Variants in UNC13C observed in about 807,000 individuals in gnomAD.
UNC13C encodes unc-13 homolog C.
Under a neutral mutation model 245.4 loss-of-function variants are expected in UNC13C, and 174 were observed. The ratio of observed to expected loss-of-function variants is 0.71; its 90% CI spans 0.63 to 0.80. UNC13C has a LOEUF of 0.80. UNC13C is among the 30% of genes least tolerant of loss of function. UNC13C has a pLI of 0.00. For synonymous variants in UNC13C, 992 were observed against 895.1 expected (o/e 1.11, Z -1.93); for missense variants, 2,829 against 2,602.9 (o/e 1.09, Z -1.89).
intron 2 of UNC13C, among the ~76,000 whole-genome samples, chr15:54,029,784 C>A (rs1365344478): frequency 6.6e-6 from 1 of 152,156 alleles, no homozygotes; most frequent in Non-Finnish European, 1.5e-5. Flanking sequence ...GGACCCTATG[C>A]GGCCCTACTC....
chr15:54,291,242 G>A (rs2037291129), intron 10 of UNC13C, among the ~76,000 whole-genome samples: 3 of 151,932 alleles, frequency 2.0e-5, no homozygotes, highest in Admixed American at 2.0e-4. Flanking sequence ...AGACAGCTGT[G>A]CTCTTACTAT....
chr15:54,262,184 A>G (rs1396996231), intron 8 of UNC13C, among the ~76,000 whole-genome samples: 1 of 152,194 alleles, frequency 6.6e-6, no homozygotes, highest in Non-Finnish European at 1.5e-5. Context: ...TGGTAGTTAG[A>G]TGGGCTCTTC....
intron 2 of UNC13C, among the ~76,000 whole-genome samples, chr15:54,076,810 G>T (rs1344702099): frequency 6.6e-6 from 1 of 152,122 alleles, no homozygotes; most frequent in Non-Finnish European, 1.5e-5. Flanking sequence ...TAGGAATAAA[G>T]GGGGAAAAAT....
At chr15:54,398,429 TTCTG>T (rs1212444234) in intron 18 of UNC13C, among the ~76,000 whole-genome samples, 1 of 151,364 alleles carries the variant, frequency 6.6e-6, no homozygotes, top group South Asian at 2.1e-4. Context: ...TAGTGCCTTT[TTCTG>T]TCTTTTATAT....
At chr15:54,430,735 A>G (rs1044756096) in intron 19 of UNC13C, among the ~76,000 whole-genome samples, 3 of 151,762 alleles carry the variant, frequency 2.0e-5, no homozygotes, top group African/African-American at 7.2e-5. Context: ...TTTTGTTTTC[A>G]CTGCACTAAA....
intron 17 of UNC13C, among the ~76,000 whole-genome samples, chr15:54,379,106 A>C (rs370331091): frequency 1.3e-5 from 2 of 152,178 alleles, no homozygotes; most frequent in East Asian, 1.9e-4. Flanking sequence ...TAAGACCACT[A>C]GTTGCTCAGT....
At chr15:54,255,987 A>T (rs1371398329) in intron 8 of UNC13C, among the ~76,000 whole-genome samples, 1 of 152,228 alleles carries the variant, frequency 6.6e-6, no homozygotes, top group African/African-American at 2.4e-5. Context: ...TATGCTTTGC[A>T]TAATGCCGTA....
At chr15:54,556,918 C>G (rs188799853) in intron 29 of UNC13C, among the ~76,000 whole-genome samples, 1 of 151,964 alleles carries the variant, frequency 6.6e-6, no homozygotes, top group East Asian at 1.9e-4. Flanking sequence ...ACAGATCTGG[C>G]TTCTGTCTCT....
rs1901243433 is a variant in UNC13C at position 54,627,325 on chromosome 15, A to C, written c.*212A>C. ...ATGAAGTGCCAAAATTATGATGTAA[A>C]GTGAAATATCAAGAACACCTTTTAA... On this transcript the variant is annotated 3_prime_UTR_variant, in exon 33 of 33. Coordinates refer to ENST00000260323, the MANE Select transcript of UNC13C (RefSeq NM_001080534.3). The C allele has an allele frequency of 2.7e-5, 12 of 443,070 alleles. No individual in the cohort carries two copies. Among genetic ancestry groups the C allele is most frequent in the Non-Finnish European group, 4.4e-5 (11 of 251,328 alleles). 27.4% of individuals were successfully genotyped at this position (443,070 alleles called of 1,614,324 possible). A position where few individuals can be genotyped will look rare whatever the true frequency, so the allele number is the denominator to read the frequency against.
chr15:54,601,499 G>C (rs1247790373), intron 30 of UNC13C, among the ~76,000 whole-genome samples: 3 of 152,174 alleles, frequency 2.0e-5, no homozygotes, highest in South Asian at 4.1e-4. Context: ...CAGAAGAAAA[G>C]ACAGACACAA....
At chr15:53,900,068 G>A in the UNC13C span, among the ~76,000 whole-genome samples, 2 of 152,082 alleles carry the variant, frequency 1.3e-5, no homozygotes, top group Admixed American at 6.6e-5. Context: ...TCTCCAGAAA[G>A]TCAAGCCTGA....
At chr15:53,930,556 C>A in the UNC13C span, among the ~76,000 whole-genome samples, 2 of 152,156 alleles carry the variant, frequency 1.3e-5, no homozygotes, top group Non-Finnish European at 2.9e-5. Context: ...TATTAAAAAT[C>A]TGAATACACA....
chr15:54,082,596 A>T (rs1171193292), intron 2 of UNC13C, among the ~76,000 whole-genome samples: 1 of 152,066 alleles, frequency 6.6e-6, no homozygotes, highest in African/African-American at 2.4e-5. Flanking sequence ...TCTGGTTGGG[A>T]TCCATTGCCA....
intron 1 of UNC13C, among the ~76,000 whole-genome samples, chr15:53,997,914 C>CA (rs1894708252): frequency 6.6e-6 from 1 of 151,994 alleles, no homozygotes; most frequent in Non-Finnish European, 1.5e-5. Context: ...GCTATCCTCC[C>CA]ACCTCAGCCT....
intron 30 of UNC13C, among the ~76,000 whole-genome samples, chr15:54,588,412 C>T (rs1898598680): frequency 6.6e-6 from 1 of 152,042 alleles, no homozygotes; most frequent in African/African-American, 2.4e-5. Flanking sequence ...CAGTAGTGTC[C>T]CCTAAATGTG....
At chr15:54,601,907 C>A (rs1016163042) in intron 30 of UNC13C, among the ~76,000 whole-genome samples, 1 of 152,162 alleles carries the variant, frequency 6.6e-6, no homozygotes, top group Non-Finnish European at 1.5e-5. Flanking sequence ...TGCAATCTGT[C>A]GTAGTGATTT....
chr15:54,230,639 T>A (rs2035525346), intron 4 of UNC13C, among the ~76,000 whole-genome samples: 1 of 152,058 alleles, frequency 6.6e-6, no homozygotes, highest in Non-Finnish European at 1.5e-5. Context: ...ACTGTACATC[T>A]CAGATTTTAT....
chr15:54,028,287 A>G (rs940223400), intron 2 of UNC13C, among the ~76,000 whole-genome samples: 2 of 152,148 alleles, frequency 1.3e-5, no homozygotes, highest in Non-Finnish European at 2.9e-5. Flanking sequence ...AAACTCAGTT[A>G]TTGAATAAGG....
chr15:53,933,201 C>T, the UNC13C span, among the ~76,000 whole-genome samples: 1 of 152,142 alleles, frequency 6.6e-6, no homozygotes, highest in African/African-American at 2.4e-5. Context: ...CTAACCTACA[C>T]TCTATGCTGC....
Sources: gnomAD v4.1 joint callset for allele counts (sites outside exome capture counted in the v4.1 genomes callset) on GRCh38, gnomAD v4.1.1 for gene constraint, MANE v1.5 for transcripts, NCBI Gene and HGNC (gene_info 2026-07-23, HGNC 2026-07-21) for gene names.